Variants in RELCH observed in about 807,000 individuals in gnomAD.
RELCH encodes RAB11 binding and LisH domain, coiled-coil and HEAT repeat containing.
Under a neutral mutation model 150.3 loss-of-function variants are expected in RELCH, and 41 were observed. The ratio of observed to expected loss-of-function variants is 0.27; its 90% confidence interval spans 0.21 to 0.35. The LOEUF is 0.35. RELCH is among the 10% of genes least tolerant of loss of function. The pLI, the probability that RELCH is intolerant of heterozygous loss-of-function variation, is 1.00. For missense variants in RELCH, 1,092 were observed against 1,467.8 expected, an observed-to-expected ratio of 0.74 and a Z score of 4.18; for synonymous variants, 478 against 531.8, an observed-to-expected ratio of 0.90 and a Z score of 1.39.
intron 2 of RELCH, among the ~76,000 whole-genome samples, chr18:62,219,738 G>A (rs1453138888): frequency 6.6e-6 from 1 of 152,002 alleles, no homozygotes; most frequent in African/African-American, 2.4e-5. Context: ...CCATGTTGCT[G>A]CAGTTAAATT....
intron 25 of RELCH, among the ~76,000 whole-genome samples, chr18:62,283,445 G>C (rs971164211): frequency 9.2e-5 from 14 of 152,062 alleles, no homozygotes; most frequent in Admixed American, 2.6e-4. Flanking sequence ...CCACAAGTTG[G>C]GTCACTTAAA....
At chr18:62,204,244 T>C (rs1399578473) in intron 1 of RELCH, among the ~76,000 whole-genome samples, 6 of 152,150 alleles carry the variant, frequency 3.9e-5, no homozygotes, top group Non-Finnish European at 7.3e-5. Context: ...ATAAAAAATA[T>C]TGGAGAAAAG....
chr18:62,244,393 A>T (rs1404689462), intron 10 of RELCH, among the ~76,000 whole-genome samples: 1 of 152,154 alleles, frequency 6.6e-6, no homozygotes, highest in East Asian at 1.9e-4. Context: ...GTTTTAAATT[A>T]TAGTGGACTT....
intron 23 of RELCH, chr18:62,280,271 A>G: frequency 9.7e-7 from 1 of 1,026,232 alleles, no homozygotes; most frequent in Non-Finnish European, 1.5e-6. Context: ...AAGGCCAATG[A>G]GTCTGCCTGC....
At chr18:62,235,753 G>T (rs1599969381) in intron 10 of RELCH, among the ~76,000 whole-genome samples, 1 of 151,976 alleles carries the variant, frequency 6.6e-6, no homozygotes, top group Non-Finnish European at 1.5e-5. Flanking sequence ...AGAAGGGAAA[G>T]GTTTATCCTG....
intron 27 of RELCH, among the ~76,000 whole-genome samples, chr18:62,295,464 G>C (rs2045364766): frequency 6.7e-6 from 1 of 150,346 alleles, no homozygotes; most frequent in African/African-American, 2.4e-5. Context: ...GTTTTCATCT[G>C]TATTTCCTTT....
In RELCH at chr18:62,187,615, C is replaced by T. The variant is rs1480024878; in HGVS notation, c.110C>T (p.Ala37Val). The change falls in exon 1 of 29, where the codon GCA (alanine) becomes GTA (valine). Residue 37 changes from alanine (A) to valine (V), a missense_variant. Ala to Val is a moderately conservative substitution (Grantham distance 64). This residue lies in a region of RELCH where 138 missense variants were observed against 124.8 expected (regional missense o/e 1.11). Transcript: ENST00000644646. ...DEVAATEERR[A>V]VLRLGAGSGL... ...GTAGCTGCAACAGAGGAACGGCGGG[C>T]AGTACTTCGGCTGGGCGCCGGAAGT... 1.3e-6 allele frequency: 2 copies of T among 1,534,628 alleles called. No individual in the cohort carries two copies. The highest frequency in any genetic ancestry group is 2.3e-5 in the East Asian group (1 of 44,070).
chr18:62,263,669 C>A (rs899557289), intron 16 of RELCH, among the ~76,000 whole-genome samples: 1 of 151,774 alleles, frequency 6.6e-6, no homozygotes, highest in Non-Finnish European at 1.5e-5. Context: ...ACAACATGAA[C>A]AAATATTTAT....
intron 25 of RELCH, among the ~76,000 whole-genome samples, chr18:62,283,513 T>C (rs1033637666): frequency 5.9e-5 from 9 of 152,230 alleles, no homozygotes; most frequent in African/African-American, 2.2e-4. Flanking sequence ...ATATCCAGGC[T>C]GGCATATGAC....
intron 10 of RELCH, 91 bp from the exon 11 acceptor site, chr18:62,244,673 T>C (rs1307160062): frequency 7.2e-6 from 6 of 834,992 alleles, no homozygotes; most frequent in South Asian, 1.6e-5. Context: ...TTTATTTCAC[T>C]TTAAATGTCC....
chr18:62,241,284 A>C (rs887823139), intron 10 of RELCH, among the ~76,000 whole-genome samples: 4 of 152,122 alleles, frequency 2.6e-5, no homozygotes, highest in African/African-American at 9.7e-5. Context: ...TCAGAGCAAC[A>C]CCAGCCCCAG....
chr18:62,229,036 CATT>C (rs2041390806), intron 8 of RELCH, among the ~76,000 whole-genome samples: 1 of 151,924 alleles, frequency 6.6e-6, no homozygotes, highest in Non-Finnish European at 1.5e-5. Context: ...AATATTACAT[CATT>C]AGTATTCTGT....
At chr18:62,218,125 C>A (rs1034672225) in intron 2 of RELCH, among the ~76,000 whole-genome samples, 24 of 151,848 alleles carry the variant, frequency 1.6e-4, no homozygotes, top group African/African-American at 5.8e-4. Flanking sequence ...AGAATTTTTT[C>A]TTTTCTTACA....
At chr18:62,265,017 T>G (rs2043475522) in intron 18 of RELCH, among the ~76,000 whole-genome samples, 165 bp downstream of exon 18, 6 of 152,078 alleles carry the variant, frequency 3.9e-5, no homozygotes, top group Admixed American at 3.9e-4. Flanking sequence ...GTTGGTAATA[T>G]TCTTATCTTT....
intron 27 of RELCH, among the ~76,000 whole-genome samples, chr18:62,295,318 G>GTTTTTTT: frequency 7.8e-6 from 1 of 127,438 alleles, no homozygotes. Context: ...AGCCTGGTGT[G>GTTTTTTT]TTTTTTTTTT....
At chr18:62,293,748 A>T (rs1028970469) in intron 27 of RELCH, among the ~76,000 whole-genome samples, 1 of 152,174 alleles carries the variant, frequency 6.6e-6, no homozygotes, top group Non-Finnish European at 1.5e-5. Flanking sequence ...CCATGTAATT[A>T]CTACCTAGCT....
At chr18:62,188,859 TC>T (rs1294347023) in intron 1 of RELCH, among the ~76,000 whole-genome samples, 1 of 152,244 alleles carries the variant, frequency 6.6e-6, no homozygotes, top group African/African-American at 2.4e-5. Flanking sequence ...TCCCAGTGTC[TC>T]CCTTTTGGGA....
At chr18:62,196,510 G>A (rs549440848) in intron 1 of RELCH, among the ~76,000 whole-genome samples, 66 of 152,324 alleles carry the variant, frequency 4.3e-4, no homozygotes, top group Non-Finnish European at 7.8e-4. Context: ...GATTACAGGC[G>A]TGAGCCACTG....
chr18:62,242,401 G>A (rs1194029790), intron 10 of RELCH, among the ~76,000 whole-genome samples: 3 of 152,184 alleles, frequency 2.0e-5, no homozygotes, highest in Non-Finnish European at 4.4e-5. Context: ...AGCAACTGCT[G>A]TGTTGAAACG....
Sources: allele counts gnomAD v4.1 joint callset (sites outside exome capture counted in the v4.1 genomes callset), GRCh38; gene constraint gnomAD v4.1.1; regional missense constraint gnomAD v4.1.1; transcripts MANE v1.5; gene names NCBI Gene and HGNC (gene_info 2026-07-23, HGNC 2026-07-21).